The following KCNN2 variants were observed in gnomAD, a reference collection of about 807,000 sequenced individuals.
KCNN2 encodes small conductance calcium-activated potassium channel protein 2.
A neutral mutation model predicts 55.5 loss-of-function variants in KCNN2; 24 were observed. The observed-to-expected ratio is 0.43, with a 90% CI of 0.31 to 0.61. The LOEUF is 0.61. Ranked by LOEUF, KCNN2 falls within the 20% of genes least tolerant of loss-of-function variation. The pLI is 0.08. For missense variants in KCNN2, 754 were observed against 853.6 expected, an observed-to-expected ratio of 0.88 and a Z score of 1.45; for synonymous variants, 431 against 336.1, an observed-to-expected ratio of 1.28 and a Z score of -3.09.
At chr5:114,058,268 G>A (rs1464246675) in intron 1 of KCNN2, among the ~76,000 whole-genome samples, 1 of 152,102 alleles carries the variant, frequency 6.6e-6, no homozygotes. Context: ...ATGTGTGTAT[G>A]TCTGCAATAA....
At chr5:114,092,828 T>A (rs927795609) in intron 1 of KCNN2, among the ~76,000 whole-genome samples, 7 of 152,136 alleles carry the variant, frequency 4.6e-5, no homozygotes, top group Admixed American at 6.5e-5. Context: ...GGACACCAAA[T>A]CTCGAGACCG....
chr5:114,432,950 G>C (rs1449028859), intron 3 of KCNN2, among the ~76,000 whole-genome samples: 1 of 152,198 alleles, frequency 6.6e-6, no homozygotes, highest in East Asian at 1.9e-4. Context: ...AGCCCGCCAT[G>C]CCTGAACCTC....
intron 2 of KCNN2, among the ~76,000 whole-genome samples, chr5:114,269,052 T>C (rs1755267319): frequency 6.6e-6 from 1 of 151,566 alleles, no homozygotes; most frequent in African/African-American, 2.4e-5. Context: ...AAAAAGTCCT[T>C]CTCCAAGCTA....
chr5:114,103,871 T>C (rs1364474996), intron 1 of KCNN2, among the ~76,000 whole-genome samples: 1 of 152,154 alleles, frequency 6.6e-6, no homozygotes, highest in Non-Finnish European at 1.5e-5. Context: ...ATCAGGGATA[T>C]TGGCCTGAGA....
chr5:114,482,068 AG>A lies in KCNN2; in HGVS notation c.1891-4981del, dbSNP rs539660943. On this transcript the variant is annotated intron_variant, in intron 5 of 7. Transcript: ENST00000673685. ...AACTAAAGAGTTTCTGCACAGCAAAAGAAACTATTGACAAAGTGAACAGACA... is the reference window on the plus strand; with the variant it reads ...AACTAAAGAGTTTCTGCACAGCAAAAAAACTATTGACAAAGTGAACAGACA... Among the ~76,000 whole-genome samples the A allele has an allele frequency of 4.7e-3, 720 of 152,358 alleles. 4 individuals carry two copies. Among genetic ancestry groups the A allele is most frequent in the Non-Finnish European group, 5.3e-3 (360 of 68,024 alleles).
chr5:114,362,756 A>G lies in KCNN2; in HGVS notation c.617A>G (p.Asn206Ser), dbSNP rs1757471349. 2 of 1,560,252 alleles carry G rather than the reference A, an allele frequency of 1.3e-6. No homozygotes were observed. The highest frequency in any genetic ancestry group is 1.8e-5 in the Admixed American group (1 of 55,478). Residue 206 changes from asparagine (N) to serine (S), a missense_variant, in exon 1 of 8, where the codon AAC becomes AGC. Coordinates refer to ENST00000673685, the MANE Select transcript of KCNN2 (RefSeq NM_021614.4). ...HHQPQARRES[N>S]PFTEIAMSSC... is the part of the protein sequence containing the mutation. ...CAGCCCCAGGCGCGCCGCGAGAGCA[A>G]CCCCTTCACCGAAATAGCCATGAGC... is the stretch of plus-strand genomic sequence containing the variant.
At chr5:114,467,999 C>CACTATAAA (rs1432345710) in intron 4 of KCNN2, among the ~76,000 whole-genome samples, 2 of 152,106 alleles carry the variant, frequency 1.3e-5, no homozygotes, top group African/African-American at 4.8e-5. Flanking sequence ...ACAAGCAAAT[C>CACTATAAA]ACTATAAAGG....
chr5:114,117,808 A>C (rs1751736809), intron 1 of KCNN2, among the ~76,000 whole-genome samples: 1 of 152,186 alleles, frequency 6.6e-6, no homozygotes, highest in Non-Finnish European at 1.5e-5. Flanking sequence ...CATGTTTGAC[A>C]TGCACTATCT....
intron 1 of KCNN2, among the ~76,000 whole-genome samples, chr5:114,135,038 A>C (rs888111637): frequency 1.3e-5 from 2 of 152,210 alleles, no homozygotes; most frequent in African/African-American, 4.8e-5. Flanking sequence ...AGATTTTTAA[A>C]AGGCATAAGA....
intron 1 of KCNN2, among the ~76,000 whole-genome samples, chr5:114,160,733 G>A (rs1752755718): frequency 6.6e-6 from 1 of 152,150 alleles, no homozygotes; most frequent in Non-Finnish European, 1.5e-5. Flanking sequence ...TCTTCTTGCT[G>A]AATTGATCCC....
chr5:114,365,346 G>C (rs866501851), intron 2 of KCNN2, among the ~76,000 whole-genome samples: 3 of 152,190 alleles, frequency 2.0e-5, no homozygotes, highest in African/African-American at 4.8e-5. Context: ...AGTTTACATA[G>C]ATTCATCTTT....
chr5:114,492,198 T>C (rs1747890641), intron 6 of KCNN2, among the ~76,000 whole-genome samples: 1 of 152,150 alleles, frequency 6.6e-6, no homozygotes, highest in Non-Finnish European at 1.5e-5. Flanking sequence ...TTGGATATCC[T>C]AGTTTCGGAA....
At chr5:114,171,061 T>C (rs1473829851) in intron 1 of KCNN2, among the ~76,000 whole-genome samples, 1 of 152,058 alleles carries the variant, frequency 6.6e-6, no homozygotes, top group Admixed American at 6.6e-5. Context: ...GACTTTTGAA[T>C]ACTGATCCTG....
intron 2 of KCNN2, among the ~76,000 whole-genome samples, chr5:114,258,076 C>CT (rs752030850): frequency 9.2e-5 from 14 of 151,910 alleles, no homozygotes; most frequent in Non-Finnish European, 1.8e-4. Context: ...TTATCAAATG[C>CT]TTTTTTTGCA....
intron 2 of KCNN2, among the ~76,000 whole-genome samples, chr5:114,352,164 G>T (rs768881800): frequency 1.3e-4 from 19 of 151,516 alleles, no homozygotes; most frequent in Non-Finnish European, 5.9e-5. Flanking sequence ...GTATTTTCTA[G>T]CAATTTTCTC....
chr5:114,322,206 C>T (rs73243763), intron 2 of KCNN2, among the ~76,000 whole-genome samples: 3,157 of 152,210 alleles, frequency 0.021, 126 homozygotes, highest in African/African-American at 0.072. Context: ...TAGTAAGTTC[C>T]TCAACCAGAA....
intron 1 of KCNN2, among the ~76,000 whole-genome samples, chr5:114,158,667 C>A (rs1269587857): frequency 6.6e-6 from 1 of 151,330 alleles, no homozygotes; most frequent in East Asian, 1.9e-4. Context: ...TTTGTATCCT[C>A]TTTTATTTCA....
chr5:114,151,018 T>G (rs1168702686), intron 1 of KCNN2, among the ~76,000 whole-genome samples: 1 of 151,990 alleles, frequency 6.6e-6, no homozygotes, highest in Admixed American at 6.6e-5. Flanking sequence ...TGAAACTGTG[T>G]CTCAAAACAA....
intron 5 of KCNN2, among the ~76,000 whole-genome samples, chr5:114,473,452 G>C (rs955649051): frequency 6.6e-6 from 1 of 152,128 alleles, no homozygotes; most frequent in Non-Finnish European, 1.5e-5. Flanking sequence ...CCAATTCTTG[G>C]ATTGAGTAGG....
Sources: allele counts gnomAD v4.1 joint callset (sites outside exome capture counted in the v4.1 genomes callset), GRCh38; gene constraint gnomAD v4.1.1; transcripts MANE v1.5; gene names NCBI Gene and HGNC (gene_info 2026-07-23, HGNC 2026-07-21).